The following DAB1 variants were observed in gnomAD, a reference collection of about 807,000 sequenced individuals.
The protein encoded by DAB1 is disabled homolog 1.
A neutral mutation model predicts 64.6 loss-of-function variants in DAB1; 15 were observed. That is an observed-to-expected ratio of 0.23 (90% CI 0.16 to 0.36). The LOEUF (loss-of-function observed/expected upper bound fraction) is 0.36. DAB1 is among the 10% of genes least tolerant of loss of function. The pLI, the probability that DAB1 is intolerant of heterozygous loss-of-function variation, is 1.00. For synonymous variants in DAB1, 235 were observed against 251.9 expected (o/e 0.93, Z 0.64); for missense variants, 596 against 706.7 (o/e 0.84, Z 1.78).
At chr1:57,042,306 A>G (rs1167770664) in intron 9 of DAB1, among the ~76,000 whole-genome samples, 2 of 152,232 alleles carry the variant, frequency 1.3e-5, no homozygotes, top group African/African-American at 4.8e-5. Flanking sequence ...TTAATATCAC[A>G]TGCCCTCTGA....
rs574746820 is a variant in DAB1 at position 58,405,548 on chromosome 1, TG to T, written n.258-62146del. Among the ~76,000 whole-genome samples, 496 of 152,186 alleles carry T rather than the reference TG, an allele frequency of 3.3e-3. 1 individual carries two copies. Among genetic ancestry groups the T allele is most frequent in the African/African-American group, 0.011 (473 of 41,532 alleles). ...ACCCAGCTAATTTTTATATTTGAGATGGGGTTTTGCCACATTGCCCAGGCTG... is the reference window on the plus strand; with the variant it reads ...ACCCAGCTAATTTTTATATTTGAGATGGGTTTTGCCACATTGCCCAGGCTG... On this transcript the variant is annotated intron_variant and non_coding_transcript_variant, in intron 3 of 20. Coordinates refer to the DAB1 transcript ENST00000485760.
chr1:57,491,382 T>G (rs548432022), intron 7 of DAB1, among the ~76,000 whole-genome samples: 1 of 152,066 alleles, frequency 6.6e-6, no homozygotes, highest in South Asian at 2.1e-4. Flanking sequence ...GAGCCGAGAT[T>G]GCGCCACTGC....
intron 1 of DAB1, among the ~76,000 whole-genome samples, chr1:57,854,236 A>C (rs977224726): frequency 1.3e-5 from 2 of 152,092 alleles, no homozygotes; most frequent in Non-Finnish European, 2.9e-5. Flanking sequence ...TTTTCTTTTC[A>C]TTTTAGCTCA....
At chr1:58,124,207 T>TAC (rs1168295822) in intron 5 of DAB1, among the ~76,000 whole-genome samples, 32 of 148,136 alleles carry the variant, frequency 2.2e-4, no homozygotes, top group Admixed American at 1.2e-3. Context: ...TATATATATA[T>TAC]ACACACACAC....
chr1:58,322,259 G>A (rs1662702328), intron 4 of DAB1, among the ~76,000 whole-genome samples: 1 of 152,170 alleles, frequency 6.6e-6, no homozygotes, highest in South Asian at 2.1e-4. Flanking sequence ...TGAAACTAAA[G>A]AGCTGCTGCA....
intron 7 of DAB1, among the ~76,000 whole-genome samples, chr1:57,621,187 ATG>A (rs1645853737): frequency 6.9e-6 from 1 of 144,552 alleles, no homozygotes; most frequent in Non-Finnish European, 1.5e-5. Flanking sequence ...GTGTGTGTGT[ATG>A]TGTGTGTGCA....
chr1:58,425,384 G>A (rs570491839), intron 3 of DAB1, among the ~76,000 whole-genome samples: 34 of 152,304 alleles, frequency 2.2e-4, no homozygotes, highest in African/African-American at 7.0e-4. Context: ...TTCCCTGCCC[G>A]TTCCTAGGCT....
chr1:57,490,525 A>C (rs868327802), intron 7 of DAB1, among the ~76,000 whole-genome samples: 37 of 152,228 alleles, frequency 2.4e-4, no homozygotes, highest in African/African-American at 8.7e-4. Flanking sequence ...TTTTTATGAA[A>C]TTAAAAAAAA....
At chr1:57,795,982 CA>C (rs1042865776) in intron 6 of DAB1, among the ~76,000 whole-genome samples, 52 of 151,612 alleles carry the variant, frequency 3.4e-4, no homozygotes, top group African/African-American at 1.2e-3. Context: ...CTATATAAAA[CA>C]AGGTATCATA....
Position 58,487,555 on chromosome 1 carries a change from T to C in DAB1, n.257+18505A>G, listed in dbSNP as rs1322711996. Among the ~76,000 whole-genome samples the C allele has an allele frequency of 2.0e-5, 3 of 152,350 alleles. No individual in the cohort carries two copies. In the South Asian group the frequency reaches 6.2e-4, roughly 32 times the overall value. ...AATTAGTAACTAGGCAATTGTTCTC[T>C]GAACTTCTGAAAAAATTCTCCAAAT... On this transcript the variant is annotated intron_variant and non_coding_transcript_variant, in intron 3 of 20. Coordinates refer to the DAB1 transcript ENST00000485760.
At chr1:57,445,272 A>G (rs1686098097) in intron 7 of DAB1, among the ~76,000 whole-genome samples, 1 of 152,192 alleles carries the variant, frequency 6.6e-6, no homozygotes. Context: ...GAGCATACAT[A>G]TATATGCAGA....
chr1:58,122,735 G>A (rs931492872), intron 5 of DAB1, among the ~76,000 whole-genome samples: 3 of 152,126 alleles, frequency 2.0e-5, no homozygotes, highest in Non-Finnish European at 4.4e-5. Flanking sequence ...TGAGCTTCAT[G>A]TCTTTGTATA....
intron 6 of DAB1, among the ~76,000 whole-genome samples, chr1:57,763,701 GGCC>G (rs1203887391): frequency 6.6e-6 from 1 of 152,054 alleles, no homozygotes; most frequent in African/African-American, 2.4e-5. Flanking sequence ...ATTAATTGCA[GGCC>G]ACACCAAAAC....
intron 7 of DAB1, among the ~76,000 whole-genome samples, chr1:57,451,452 A>G (rs1339378737): frequency 1.3e-5 from 2 of 152,192 alleles, no homozygotes; most frequent in Non-Finnish European, 2.9e-5. Flanking sequence ...TTTATTTTTT[A>G]AAATTACCTG....
chr1:57,461,639 G>C lies in DAB1; in HGVS notation n.626-170473C>G, dbSNP rs72909280. 2.7e-3 allele frequency among the ~76,000 whole-genome samples: 406 copies of C among 152,294 alleles called. 2 individuals are homozygous for C. The highest frequency in any genetic ancestry group is 9.1e-3 in the African/African-American group (378 of 41,576). On this transcript the variant is annotated intron_variant and non_coding_transcript_variant, in intron 7 of 20. Coordinates refer to the DAB1 transcript ENST00000485760. ...CCAGGCTGCGCCCTCTGTCAGGAAT[G>C]CCCCCAACTGCTCAATTTGTCTTGT...
intron 6 of DAB1, among the ~76,000 whole-genome samples, chr1:57,697,814 C>A (rs1646862817): frequency 6.6e-6 from 1 of 152,130 alleles, no homozygotes. Context: ...GAGATTCTTT[C>A]AAAAACACAA....
intron 2 of DAB1, among the ~76,000 whole-genome samples, chr1:57,233,526 C>T (rs1477748303): frequency 2.0e-5 from 3 of 151,788 alleles, no homozygotes; most frequent in Non-Finnish European, 2.9e-5. Context: ...TTTGGGAGCC[C>T]GAGGCAGGTG....
chr1:57,074,934 T>G (rs1447325671), intron 4 of DAB1, among the ~76,000 whole-genome samples: 1 of 152,220 alleles, frequency 6.6e-6, no homozygotes, highest in East Asian at 1.9e-4. Context: ...GTGTTAATGA[T>G]GTAAAATTGA....
intron 4 of DAB1, among the ~76,000 whole-genome samples, chr1:58,165,575 G>T (rs1283825787): frequency 6.6e-6 from 1 of 152,176 alleles, no homozygotes; most frequent in Non-Finnish European, 1.5e-5. Flanking sequence ...ACCATGTTGA[G>T]TGTTATTAAA....
Sources: gnomAD v4.1 joint callset for allele counts (sites outside exome capture counted in the v4.1 genomes callset) on GRCh38, gnomAD v4.1.1 for gene constraint, MANE v1.5 for transcripts, NCBI Gene and HGNC (gene_info 2026-07-23, HGNC 2026-07-21) for gene names.